Variants in TIAM1 observed in about 807,000 individuals in gnomAD.
TIAM1 encodes the protein TIAM Rac1 associated GEF 1.
TIAM1 carries 65 observed loss-of-function variants against 163.5 expected under a neutral mutation model. The ratio of observed to expected loss-of-function variants is 0.40; its 90% CI spans 0.33 to 0.49. TIAM1 has a LOEUF of 0.49. Ranked by LOEUF, TIAM1 falls within the 20% of genes least tolerant of loss-of-function variation. The pLI, the probability that TIAM1 is intolerant of heterozygous loss-of-function variation, is 0.77. For missense variants in TIAM1, 1,789 were observed against 2,044.7 expected (o/e 0.87, Z 2.41); for synonymous variants, 833 against 810.1 (o/e 1.03, Z -0.48).
intron 2 of TIAM1, among the ~76,000 whole-genome samples, chr21:31,456,471 A>G (rs1311176363): frequency 6.6e-6 from 1 of 152,244 alleles, no homozygotes; most frequent in Non-Finnish European, 1.5e-5. Flanking sequence ...TGCCAGGGAA[A>G]CTGGGAAACG....
chr21:31,344,782 T>C (rs906755835), upstream of TIAM1, among the ~76,000 whole-genome samples: 1 of 152,200 alleles, frequency 6.6e-6, no homozygotes, highest in Admixed American at 6.5e-5. Flanking sequence ...AAGAATATAA[T>C]GAACACCCAC....
chr21:31,294,639 A>G (rs1315373461), intron 2 of TIAM1, among the ~76,000 whole-genome samples: 1 of 152,218 alleles, frequency 6.6e-6, no homozygotes, highest in Non-Finnish European at 1.5e-5. Context: ...TGGGTATGGT[A>G]TGTAAAGAGA....
chr21:31,474,283 T>C (rs981010415), intron 1 of TIAM1, among the ~76,000 whole-genome samples: 2 of 152,128 alleles, frequency 1.3e-5, no homozygotes, highest in Non-Finnish European at 2.9e-5. Context: ...TTAGAGAATA[T>C]TAAACCAATT....
chr21:31,552,725 G>C (rs964003490), intron 1 of TIAM1, among the ~76,000 whole-genome samples: 1 of 152,094 alleles, frequency 6.6e-6, no homozygotes, highest in African/African-American at 2.4e-5. Flanking sequence ...AGCCGAGATT[G>C]TGCCACTGCA....
At chr21:31,354,105 TG>T (rs1356271054) in intron 2 of TIAM1, among the ~76,000 whole-genome samples, 1 of 152,010 alleles carries the variant, frequency 6.6e-6, no homozygotes, top group African/African-American at 2.4e-5. Flanking sequence ...CCCAAAGTGC[TG>T]GATTATAGGT....
At chr21:31,198,713 C>A (rs2086014938) in intron 12 of TIAM1, among the ~76,000 whole-genome samples, 2 of 152,148 alleles carry the variant, frequency 1.3e-5, no homozygotes, top group Admixed American at 1.3e-4. Flanking sequence ...TTAATCATTT[C>A]CACAGGATCT....
intron 15 of TIAM1, 72 bp downstream of exon 15, chr21:31,182,349 C>T: frequency 7.6e-7 from 1 of 1,311,600 alleles, no homozygotes; most frequent in Non-Finnish European, 1.0e-6. Context: ...AACACACAAG[C>T]CGCATGATAA....
chr21:31,252,312 AGC>A, intron 4 of TIAM1, 123 bp from the exon 5 acceptor site: 2 of 1,051,270 alleles, frequency 1.9e-6, no homozygotes, highest in Non-Finnish European at 2.8e-6. Context: ...CATAAGGCAC[AGC>A]CACTCCTGAC....
chr21:31,504,242 G>A (rs1479350525), intron 1 of TIAM1, among the ~76,000 whole-genome samples: 3 of 152,214 alleles, frequency 2.0e-5, no homozygotes, highest in Non-Finnish European at 4.4e-5. Context: ...CAGCCTGAGA[G>A]GGGTTGCCTT....
At chr21:31,243,866 T>C (rs2071353917) in intron 6 of TIAM1, among the ~76,000 whole-genome samples, 1 of 152,198 alleles carries the variant, frequency 6.6e-6, no homozygotes, top group Non-Finnish European at 1.5e-5. Flanking sequence ...AAGAATTCTA[T>C]ATCCAGCAAA....
At chr21:31,196,156 T>A (rs995031781) in intron 12 of TIAM1, among the ~76,000 whole-genome samples, 4 of 151,926 alleles carry the variant, frequency 2.6e-5, no homozygotes, top group African/African-American at 9.7e-5. Flanking sequence ...AATAAATATA[T>A]GAAAAAATGT....
chr21:31,236,556 A>G (rs1241523016), intron 6 of TIAM1, among the ~76,000 whole-genome samples: 2 of 151,978 alleles, frequency 1.3e-5, no homozygotes, highest in Non-Finnish European at 2.9e-5. Context: ...GGATTTCAAC[A>G]GTTTATTAGA....
rs570842210 is a variant in TIAM1 at position 31,511,585 on chromosome 21, C to A, written c.-422+47342G>T. ...TACTTACGCAGCAATCAATGCCTGG[C>A]ACCGAGTCCAAGCTATGCATGGGTT... On this transcript the variant is annotated intron_variant, in intron 1 of 28. Coordinates refer to the TIAM1 transcript ENST00000286827. Among the ~76,000 whole-genome samples the A allele has an allele frequency of 1.1e-3, 173 of 152,280 alleles. 2 individuals are homozygous for A. The highest frequency in any genetic ancestry group is 3.9e-3 in the African/African-American group (163 of 41,572).
chr21:31,165,284 AGTT>A (rs1343104726), intron 15 of TIAM1, among the ~76,000 whole-genome samples: 1 of 152,198 alleles, frequency 6.6e-6, no homozygotes, highest in Non-Finnish European at 1.5e-5. Flanking sequence ...AATAAATAAT[AGTT>A]GTTGTGGATT....
chr21:31,242,874 A>G (rs1438377380), intron 6 of TIAM1, among the ~76,000 whole-genome samples: 1 of 148,600 alleles, frequency 6.7e-6, no homozygotes, highest in African/African-American at 2.5e-5. Context: ...AAAAAAAAAA[A>G]AAAAAGAAAA....
chr21:31,127,729 C>T (rs1354817656), intron 25 of TIAM1, among the ~76,000 whole-genome samples: 1 of 152,136 alleles, frequency 6.6e-6, no homozygotes, highest in African/African-American at 2.4e-5. Flanking sequence ...ACTCACTCTT[C>T]CAGCCATGCA....
Position 31,287,979 on chromosome 21 carries a change from C to T in TIAM1, c.-188-11071G>A, listed in dbSNP as rs113995619. Among the ~76,000 whole-genome samples the T allele has an allele frequency of 1.1e-3, 168 of 152,078 alleles. 1 individual carries two copies. The highest frequency in any genetic ancestry group is 5.0e-3 in the South Asian group (24 of 4,806). Reference sequence around the variant, plus strand: ...AATGACAGGTAGGATCACCAGGACTCGGTGGCCACATACATCCTTTGAGGA... The same window carrying T: ...AATGACAGGTAGGATCACCAGGACTTGGTGGCCACATACATCCTTTGAGGA... On this transcript the variant is annotated intron_variant, in intron 2 of 27. Coordinates refer to ENST00000541036, the MANE Select transcript of TIAM1 (RefSeq NM_001353694.2).
chr21:31,197,749 G>A (rs2300337), intron 12 of TIAM1, among the ~76,000 whole-genome samples: 26,674 of 151,904 alleles, frequency 0.18, 3,442 homozygotes, highest in East Asian at 0.4. Flanking sequence ...CGCCTCTCAC[G>A]CTAACTCCAT....
chr21:31,292,718 G>C (rs937256001), intron 2 of TIAM1, among the ~76,000 whole-genome samples: 1 of 148,442 alleles, frequency 6.7e-6, no homozygotes. Flanking sequence ...ACCCAGGCTG[G>C]AGTGCAACGC....
Sources: allele counts gnomAD v4.1 joint callset (sites outside exome capture counted in the v4.1 genomes callset), GRCh38; gene constraint gnomAD v4.1.1; transcripts MANE v1.5; gene names NCBI Gene and HGNC (gene_info 2026-07-23, HGNC 2026-07-21).